The following PHLDB2 variants were observed in gnomAD, a reference collection of about 807,000 sequenced individuals.
PHLDB2 encodes the protein pleckstrin homology-like domain family B member 2.
In PHLDB2, 71 loss-of-function variants were observed where a neutral mutation model predicts 123.6. The observed-to-expected ratio is 0.57, with a 90% confidence interval of 0.47 to 0.70. The LOEUF is 0.70. Ranked by LOEUF, PHLDB2 falls within the 30% of genes least tolerant of loss-of-function variation. The pLI is 0.00. For synonymous variants in PHLDB2, 547 were observed against 541.6 expected (o/e 1.01, Z -0.14); for missense variants, 1,446 against 1,519.5 (o/e 0.95, Z 0.80).
At chr3:111,905,278 A>G (rs77384658) in intron 2 of PHLDB2, among the ~76,000 whole-genome samples, 1 of 152,286 alleles carries the variant, frequency 6.6e-6, no homozygotes, top group South Asian at 2.1e-4. Context: ...AGAATTCTAA[A>G]GTAGACAGTA....
intron 2 of PHLDB2, among the ~76,000 whole-genome samples, chr3:111,910,718 A>C (rs553863549): frequency 6.6e-6 from 1 of 152,332 alleles, no homozygotes; most frequent in African/African-American, 2.4e-5. Context: ...AGAAGGCTGA[A>C]GGGAGAATTA....
Position 111,974,457 on chromosome 3 carries a change from C to G in PHLDB2, c.3656C>G (p.Thr1219Ser). 1 of 1,612,922 alleles carries G rather than the reference C, an allele frequency of 6.2e-7. No individual in the cohort carries two copies. Among genetic ancestry groups the G allele is most frequent in the Non-Finnish European group, 8.5e-7 (1 of 1,179,342 alleles). The change falls in exon 18 of 18, where the codon ACT (threonine) becomes AGT (serine). Residue 1219 changes from threonine (T) to serine (S), a missense_variant. By Grantham distance (58) the Thr-to-Ser change is moderately conservative (BLOSUM62 1). Coordinates refer to ENST00000431670, the MANE Select transcript of PHLDB2 (RefSeq NM_001134438.2). ...PNPLLTFSVKTHDRIYYMVAP... is the reference protein window; with the variant it reads ...PNPLLTFSVKSHDRIYYMVAP... ...CCGTTACTCACCTTTAGCGTCAAGA[C>G]TCATGACAGAATCTATTATATGGTA...
At chr3:111,780,467 T>C (rs1343980522) in intron 1 of PHLDB2, among the ~76,000 whole-genome samples, 2 of 151,054 alleles carry the variant, frequency 1.3e-5, no homozygotes, top group Admixed American at 6.6e-5. Context: ...TTTTCCATTA[T>C]GAAATAACAC....
chr3:111,868,350 C>T (rs1384204571), intron 1 of PHLDB2, among the ~76,000 whole-genome samples: 1 of 152,090 alleles, frequency 6.6e-6, no homozygotes, highest in East Asian at 1.9e-4. Context: ...ATGGATTGTT[C>T]AAAACAGGAT....
intron 1 of PHLDB2, among the ~76,000 whole-genome samples, chr3:111,780,412 A>AG (rs2060419890): frequency 5.1e-5 from 6 of 116,680 alleles, no homozygotes; most frequent in African/African-American, 1.4e-4. Flanking sequence ...AGAAGAAGAA[A>AG]AAGATTAGTT....
chr3:111,808,459 G>A (rs1221571069), intron 1 of PHLDB2, among the ~76,000 whole-genome samples: 1 of 151,002 alleles, frequency 6.6e-6, no homozygotes, highest in East Asian at 2.0e-4. Flanking sequence ...TTGAGTCCTC[G>A]GTCAGAGCTG....
intron 12 of PHLDB2, 180 bp from the exon 13 acceptor site, chr3:111,961,928 A>G (rs778481375): frequency 4.9e-6 from 3 of 612,282 alleles, no homozygotes; most frequent in Admixed American, 3.5e-5. Context: ...ACTTCATTCA[A>G]ACTGTTGCTT....
At chr3:111,878,013 T>C (rs2065726333) in intron 1 of PHLDB2, among the ~76,000 whole-genome samples, 2 of 152,188 alleles carry the variant, frequency 1.3e-5, no homozygotes, top group African/African-American at 4.8e-5. Flanking sequence ...TCTTTTTGCT[T>C]AGGATTGCTT....
intron 1 of PHLDB2, among the ~76,000 whole-genome samples, chr3:111,754,984 C>G (rs1162734402): frequency 1.3e-5 from 2 of 152,098 alleles, no homozygotes; most frequent in African/African-American, 4.8e-5. Context: ...ACCAGACTTG[C>G]ATCCCAGGGA....
At chr3:111,773,523 C>T (rs538897945) in intron 1 of PHLDB2, among the ~76,000 whole-genome samples, 9 of 152,268 alleles carry the variant, frequency 5.9e-5, no homozygotes, top group Non-Finnish European at 1.3e-4. Context: ...TATGTTTCCA[C>T]GATCTTATGC....
upstream of PHLDB2, among the ~76,000 whole-genome samples, chr3:111,857,615 T>C (rs1473315433): frequency 1.3e-5 from 2 of 152,060 alleles, no homozygotes; most frequent in Non-Finnish European, 2.9e-5. Flanking sequence ...GATTGATCAG[T>C]GTATGTATGC....
chr3:111,804,070 A>AT (rs775461829), intron 1 of PHLDB2, among the ~76,000 whole-genome samples: 27 of 152,030 alleles, frequency 1.8e-4, no homozygotes, highest in Non-Finnish European at 3.7e-4. Flanking sequence ...CTTTTTAGAC[A>AT]TTTTTTCTGA....
intron 1 of PHLDB2, among the ~76,000 whole-genome samples, chr3:111,839,188 G>GAAAC (rs71926626): frequency 1.1e-4 from 16 of 151,800 alleles, no homozygotes; most frequent in African/African-American, 2.4e-4. Context: ...CTTCCAGACT[G>GAAAC]AAACAAACAA....
intron 15 of PHLDB2, among the ~76,000 whole-genome samples, chr3:111,968,769 G>C (rs546861398): frequency 6.6e-6 from 1 of 152,140 alleles, no homozygotes; most frequent in African/African-American, 2.4e-5. Flanking sequence ...AGTAAAATTT[G>C]TTTATTTTAT....
chr3:111,971,590 C>T (rs1297445459), intron 16 of PHLDB2, among the ~76,000 whole-genome samples: 1 of 152,138 alleles, frequency 6.6e-6, no homozygotes. Flanking sequence ...AAACGCTGCT[C>T]GTTCGGTTCT....
At chr3:111,800,900 T>G (rs2061351406) in intron 1 of PHLDB2, among the ~76,000 whole-genome samples, 1 of 152,178 alleles carries the variant, frequency 6.6e-6, no homozygotes, top group Non-Finnish European at 1.5e-5. Flanking sequence ...GTTATGCCAA[T>G]TAAGATAAAT....
chr3:111,916,009 G>T (rs1439641349), intron 3 of PHLDB2: 1 of 152,176 alleles, frequency 6.6e-6, no homozygotes, highest in Non-Finnish European at 1.5e-5. Context: ...CCTTTATGGA[G>T]ATCTGCCAGT....
At chr3:111,843,234 C>G (rs1331977247) in intron 1 of PHLDB2, among the ~76,000 whole-genome samples, 1 of 152,204 alleles carries the variant, frequency 6.6e-6, no homozygotes, top group African/African-American at 2.4e-5. Flanking sequence ...TCCAATTTCT[C>G]CATTCTCTCC....
intron 2 of PHLDB2, among the ~76,000 whole-genome samples, chr3:111,901,130 C>A (rs181541533): frequency 6.6e-6 from 1 of 152,032 alleles, no homozygotes; most frequent in Non-Finnish European, 1.5e-5. Flanking sequence ...GAGGCCGAGG[C>A]GGGCGAATCA....
Sources: gnomAD v4.1 joint callset for allele counts (sites outside exome capture counted in the v4.1 genomes callset) on GRCh38, gnomAD v4.1.1 for gene constraint, MANE v1.5 for transcripts, NCBI Gene and HGNC (gene_info 2026-07-23, HGNC 2026-07-21) for gene names.